The following MUSK variants were observed in gnomAD, a reference collection of about 807,000 sequenced individuals.
MUSK encodes the protein muscle associated receptor tyrosine kinase.
Under a neutral mutation model 88.7 loss-of-function variants are expected in MUSK, and 55 were observed. The ratio of observed to expected loss-of-function variants is 0.62; its 90% CI spans 0.50 to 0.78. MUSK has a LOEUF of 0.78. MUSK is among the 30% of genes least tolerant of loss of function. MUSK has a pLI of 0.00. For missense variants in MUSK, 1,015 were observed against 1,074.3 expected, an observed-to-expected ratio of 0.94 and a Z score of 0.77; for synonymous variants, 387 against 391.9, an observed-to-expected ratio of 0.99 and a Z score of 0.15.
In MUSK at chr9:110,790,452, G is replaced by C. The variant is rs7026508; in HGVS notation, c.1927+2614G>C. 6.8e-3 allele frequency among the ~76,000 whole-genome samples: 1,031 copies of C among 152,320 alleles called. 10 individuals carry two copies. The highest frequency in any genetic ancestry group is 0.024 in the African/African-American group (987 of 41,564). ...TTTGTAAATTAATGAGAATGATCCCGTAAAGAGAAAAATTGATGACAGGGT... is the reference window on the plus strand; with the variant it reads ...TTTGTAAATTAATGAGAATGATCCCCTAAAGAGAAAAATTGATGACAGGGT... On this transcript the variant is annotated intron_variant, in intron 14 of 14. Coordinates refer to ENST00000374448, the MANE Select transcript of MUSK (RefSeq NM_005592.4).
rs371275445 is a variant in MUSK at position 110,785,731 on chromosome 9, A to G, written c.1778+13A>G. 78 of 1,579,058 alleles carry G rather than the reference A, an allele frequency of 4.9e-5. No homozygotes were observed. The highest frequency in any genetic ancestry group is 2.7e-4 in the Admixed American group (15 of 56,024). On this transcript the variant is annotated intron_variant, in intron 13 of 14. Coordinates refer to ENST00000374448, the MANE Select transcript of MUSK (RefSeq NM_005592.4). ...TGTTTCAAGCAAGGTAAAGTTACCT[A>G]TGGAAAAAAAAACTCCATTGAAATA...
chr9:110,784,756 A>T (rs879495392), intron 11 of MUSK, 59 bp from the exon 12 acceptor site: 2 of 1,356,314 alleles, frequency 1.5e-6, no homozygotes. Flanking sequence ...TTGCTTAAAT[A>T]CAAAAAATTG....
intron 2 of MUSK, 123 bp from the exon 3 acceptor site, chr9:110,686,994 A>G: frequency 1.2e-6 from 1 of 865,614 alleles, no homozygotes; most frequent in Non-Finnish European, 1.8e-6. Flanking sequence ...TTCAGAAGTC[A>G]CTCAAGTTTC....
chr9:110,766,969 C>G (rs372628559), intron 8 of MUSK, among the ~76,000 whole-genome samples: 127 of 152,294 alleles, frequency 8.3e-4, no homozygotes, highest in African/African-American at 3.0e-3. Flanking sequence ...GAAGAGAGTA[C>G]CAATAGCATT....
rs2078126948 is a variant in MUSK, at chr9:110,803,881, A to G, written c.*2893A>G. On this transcript the variant is annotated 3_prime_UTR_variant, in exon 15 of 15. Transcript: ENST00000374448. Reference sequence around the variant, plus strand: ...CATATACATTCAAAAAGGTAGACAAAAGAGAGACACTCACAGTGTCACTGT... The same window carrying G: ...CATATACATTCAAAAAGGTAGACAAGAGAGAGACACTCACAGTGTCACTGT... Among the ~76,000 whole-genome samples, 1 of 152,312 alleles carries G rather than the reference A, an allele frequency of 6.6e-6. No homozygotes were observed. Among genetic ancestry groups the G allele is most frequent in the Non-Finnish European group, 1.5e-5 (1 of 68,016 alleles).
chr9:110,805,297 C>G lies in MUSK; in HGVS notation c.*4309C>G, dbSNP rs535925708. The stretch of plus-strand genomic sequence containing the variant: ...CCTGAATTATTTTATTAACATGTAC[C>G]TCTCCTAGTCAGATAAGACAGCCCA... On this transcript the variant is annotated 3_prime_UTR_variant, in exon 15 of 15. Coordinates refer to ENST00000374448, the MANE Select transcript of MUSK (RefSeq NM_005592.4). Among the ~76,000 whole-genome samples, 188 of 151,754 alleles carry G rather than the reference C, an allele frequency of 1.2e-3. No individual in the cohort carries two copies. The highest frequency in any genetic ancestry group is 4.4e-3 in the African/African-American group (182 of 41,478).
At position 110,785,717 on chromosome 9, in the gene MUSK, A is replaced by T; in HGVS notation, c.1777A>T (p.Arg593Trp). The T allele has an allele frequency of 6.3e-7, 1 of 1,592,164 alleles. No individual in the cohort carries two copies. The highest frequency in any genetic ancestry group is 8.6e-7 in the Non-Finnish European group (1 of 1,168,126). The change falls in exon 13 of 15, where the codon AGG (arginine) becomes TGG (tryptophan). Residue 593 changes from arginine to tryptophan, a missense_variant and splice_region_variant. Physicochemically the swap from Arg to Trp is moderately radical, Grantham distance 101. Coordinates refer to ENST00000374448, the MANE Select transcript of MUSK (RefSeq NM_005592.4). The part of the protein sequence containing the change: ...EGAFGRVFQA[R>W]APGLLPYEPF... ...AGCGTTTGGAAGGGTGTTTCAAGCA[A>T]GGTAAAGTTACCTATGGAAAAAAAA...
chr9:110,690,866 T>G (rs1263527786), intron 3 of MUSK, among the ~76,000 whole-genome samples: 1 of 137,044 alleles, frequency 7.3e-6, no homozygotes, highest in African/African-American at 2.7e-5. Context: ...ATATATATAT[T>G]TAAATAAATA....
chr9:110,764,755 A>G (rs1207834018), intron 8 of MUSK, among the ~76,000 whole-genome samples: 1 of 152,180 alleles, frequency 6.6e-6, no homozygotes, highest in Non-Finnish European at 1.5e-5. Context: ...TGAAATGTAG[A>G]AAACTAATAA....
At chr9:110,675,677 C>G (rs1399487801) in intron 1 of MUSK, among the ~76,000 whole-genome samples, 1 of 143,736 alleles carries the variant, frequency 7.0e-6, no homozygotes, top group Non-Finnish European at 1.5e-5. Context: ...TCAAGTGATT[C>G]TCCTGCCTCA....
At chr9:110,756,182 T>C (rs775927726) in intron 7 of MUSK, among the ~76,000 whole-genome samples, 1 of 151,688 alleles carries the variant, frequency 6.6e-6, no homozygotes, top group African/African-American at 2.4e-5. Flanking sequence ...TTAATGTCTC[T>C]CTATTGCAGG....
intron 5 of MUSK, among the ~76,000 whole-genome samples, chr9:110,711,817 G>A (rs954719480): frequency 6.6e-6 from 1 of 152,174 alleles, no homozygotes; most frequent in Admixed American, 6.5e-5. Flanking sequence ...AAAGTGGGGA[G>A]ACTATAAGGA....
chr9:110,688,894 T>G (rs1479628145), intron 3 of MUSK, among the ~76,000 whole-genome samples: 1 of 148,780 alleles, frequency 6.7e-6, no homozygotes, highest in African/African-American at 2.4e-5. Context: ...TTGTGTTAAC[T>G]GTTTTATTGT....
chr9:110,768,481 ACT>A (rs1171234289), intron 9 of MUSK, among the ~76,000 whole-genome samples: 3 of 152,140 alleles, frequency 2.0e-5, no homozygotes, highest in East Asian at 1.9e-4. Flanking sequence ...GAGTGTTGAG[ACT>A]CTGTCTCAAA....
intron 7 of MUSK, among the ~76,000 whole-genome samples, chr9:110,755,976 A>ACACG (rs879594834): frequency 2.3e-5 from 2 of 88,442 alleles, no homozygotes; most frequent in African/African-American, 8.9e-5. Flanking sequence ...ATATATATAT[A>ACACG]TACATATATA....
intron 8 of MUSK, 33 bp from the exon 9 acceptor site, chr9:110,767,787 G>A: frequency 6.2e-7 from 1 of 1,612,022 alleles, no homozygotes; most frequent in Non-Finnish European, 8.5e-7. Flanking sequence ...GAAATAGCAT[G>A]TGATTAGAAA....
At position 110,747,808 on chromosome 9, in the gene MUSK, G is replaced by T; in HGVS notation, c.913+8G>T. 1 of 1,613,460 alleles carries T rather than the reference G, an allele frequency of 6.2e-7. No individual in the cohort carries two copies. The highest frequency in any genetic ancestry group is 8.5e-7 in the Non-Finnish European group (1 of 1,179,504). ...CCACCATCAGCATAGCAGGTAGGAT[G>T]CCCCTTCACATTTGCGTTGTTCCAG... is the stretch of plus-strand genomic sequence containing the variant. On this transcript the variant is annotated splice_region_variant and intron_variant, in intron 7 of 14. Transcript: ENST00000374448.
At chr9:110,673,349 G>A (rs1308946215) in intron 1 of MUSK, among the ~76,000 whole-genome samples, 1 of 152,110 alleles carries the variant, frequency 6.6e-6, no homozygotes, top group African/African-American at 2.4e-5. Context: ...GACAAGTTGT[G>A]CAACCATTTT....
chr9:110,763,215 T>TA (rs749684149), intron 8 of MUSK, among the ~76,000 whole-genome samples: 49 of 152,186 alleles, frequency 3.2e-4, no homozygotes, highest in Non-Finnish European at 6.6e-4. Context: ...TATGAAAAAT[T>TA]AAACTAGTTT....
Sources: gnomAD v4.1 joint callset for allele counts (sites outside exome capture counted in the v4.1 genomes callset) on GRCh38, gnomAD v4.1.1 for gene constraint, MANE v1.5 for transcripts, NCBI Gene and HGNC (gene_info 2026-07-23, HGNC 2026-07-21) for gene names.